The following ARID1B variants were observed in gnomAD, a reference collection of about 807,000 sequenced individuals.
ARID1B encodes AT-rich interaction domain 1B, also known as AT-rich interactive domain-containing protein 1B.
ARID1B carries 30 observed loss-of-function variants against 212.3 expected under a neutral mutation model. The observed-to-expected ratio is 0.14, with a 90% CI of 0.11 to 0.19. ARID1B has a LOEUF of 0.19. Among genes scored for constraint, ARID1B ranks in the 10% least tolerant of loss-of-function variants. The pLI is 1.00. For synonymous variants in ARID1B, 1,402 were observed against 1,301.7 expected, an observed-to-expected ratio of 1.08 and a Z score of -1.66; for missense variants, 2,891 against 3,204.0, an observed-to-expected ratio of 0.90 and a Z score of 2.36.
Position 156,901,492 on chromosome 6 carries a change from G to A in ARID1B, c.2103G>A (p.Pro701=), listed in dbSNP as rs376964478. 4.0e-5 allele frequency: 64 copies of A among 1,613,612 alleles called. No homozygotes were observed. Among genetic ancestry groups the A allele is most frequent in the East Asian group, 1.1e-4 (5 of 44,892 alleles). Reference sequence around the variant, plus strand: ...TCCCACCCCAGGCGCAGTATCTGCCGTCCCAGTCCCAGCAGAGGTACCAGC... The same window carrying A: ...TCCCACCCCAGGCGCAGTATCTGCCATCCCAGTCCCAGCAGAGGTACCAGC... The part of the protein sequence containing the change: ...PHLPPQAQYL[P]SQSQQRYQPQ... Residue 701 remains proline (P), a synonymous_variant, in exon 3 of 20, where the codon CCG becomes CCA. Coordinates refer to ENST00000636930, the MANE Select transcript of ARID1B (RefSeq NM_001374828.1).
intron 2 of ARID1B, among the ~76,000 whole-genome samples, chr6:156,865,356 A>G (rs992174238): frequency 2.0e-5 from 3 of 152,200 alleles, no homozygotes; most frequent in Admixed American, 2.0e-4. Context: ...TGAGAATGGA[A>G]TTCTGGAAAT....
At chr6:156,838,579 G>T (rs1032625568) in intron 2 of ARID1B, among the ~76,000 whole-genome samples, 1 of 152,044 alleles carries the variant, frequency 6.6e-6, no homozygotes. Flanking sequence ...ATGGGAGGAT[G>T]GGGGAGGGAT....
chr6:157,179,126 A>G (rs975291845), intron 11 of ARID1B, among the ~76,000 whole-genome samples: 10 of 152,176 alleles, frequency 6.6e-5, no homozygotes, highest in Middle Eastern at 3.4e-3. Context: ...TCTTATTTCA[A>G]TTTTTCACTT....
At chr6:157,112,895 C>A (rs1259662740) in intron 6 of ARID1B, among the ~76,000 whole-genome samples, 1 of 151,306 alleles carries the variant, frequency 6.6e-6, no homozygotes, top group South Asian at 2.1e-4. Flanking sequence ...AGGTACATAA[C>A]AAGCTGGGTG....
chr6:157,053,637 A>G lies in ARID1B; in HGVS notation c.2248-31025A>G, dbSNP rs561424053. ...TGAATGTAGAAATGATTCCCTCTTT[A>G]AGGACCTTAGTTTGAGTGGGGTTTG... On this transcript the variant is annotated intron_variant, in intron 4 of 19. Coordinates refer to ENST00000636930, the MANE Select transcript of ARID1B (RefSeq NM_001374828.1). Among the ~76,000 whole-genome samples the G allele has an allele frequency of 2.6e-5, 4 of 152,310 alleles. No homozygotes were observed. The South Asian group carries it at 8.3e-4, about 32-fold the overall frequency.
intron 4 of ARID1B, among the ~76,000 whole-genome samples, chr6:157,030,563 G>A (rs948824883): frequency 2.0e-5 from 3 of 152,196 alleles, no homozygotes; most frequent in Admixed American, 6.5e-5. Flanking sequence ...TAAATCCTCT[G>A]TGGAGGTATC....
intron 15 of ARID1B, among the ~76,000 whole-genome samples, chr6:157,192,964 A>C (rs1793487719): frequency 6.6e-6 from 1 of 152,120 alleles, no homozygotes; most frequent in Non-Finnish European, 1.5e-5. Context: ...GGTGGTGTTA[A>C]CCTGTAGTAC....
chr6:156,810,359 C>A (rs1018575920), intron 1 of ARID1B, among the ~76,000 whole-genome samples: 1 of 152,158 alleles, frequency 6.6e-6, no homozygotes, highest in Non-Finnish European at 1.5e-5. Context: ...AAAGATCCAC[C>A]TGCCAGCCTG....
rs530431458 is a variant in ARID1B at position 156,909,416 on chromosome 6, A to G, written c.2136+7891A>G. Among the ~76,000 whole-genome samples, 283 of 152,192 alleles carry G rather than the reference A, an allele frequency of 1.9e-3. 2 individuals are homozygous for G. The highest frequency in any genetic ancestry group is 6.4e-3 in the African/African-American group (265 of 41,550). On this transcript the variant is annotated intron_variant, in intron 3 of 19. Transcript: ENST00000636930. ...TGGAATTACAGGCGTGAGTCACCGC[A>G]TCCGGACAAGGGCGTTTCTTATATA...
intron 5 of ARID1B, among the ~76,000 whole-genome samples, chr6:157,103,926 C>T (rs1445908975): frequency 6.7e-6 from 1 of 149,618 alleles, no homozygotes. Flanking sequence ...ACGTCCACTT[C>T]CCAGGTTCAA....
intron 4 of ARID1B, among the ~76,000 whole-genome samples, chr6:156,973,751 C>G (rs917522494): frequency 2.0e-5 from 3 of 152,248 alleles, no homozygotes; most frequent in African/African-American, 7.2e-5. Flanking sequence ...TGTCCCTGCC[C>G]CCACTTATTT....
intron 6 of ARID1B, 172 bp downstream of exon 6, chr6:157,110,733 A>G: frequency 2.9e-6 from 2 of 687,082 alleles, no homozygotes; most frequent in East Asian, 5.5e-5. Context: ...AGGAGGGAGG[A>G]TGCTTTCTTG....
At chr6:156,890,923 C>G (rs1787875069) in intron 2 of ARID1B, among the ~76,000 whole-genome samples, 1 of 151,810 alleles carries the variant, frequency 6.6e-6, no homozygotes, top group Admixed American at 6.6e-5. Context: ...TTAGACAAAC[C>G]TAAGAACAAG....
intron 4 of ARID1B, among the ~76,000 whole-genome samples, chr6:157,009,937 C>A (rs1338614135): frequency 2.0e-5 from 3 of 152,200 alleles, no homozygotes; most frequent in Non-Finnish European, 4.4e-5. Context: ...ATATAGCCAA[C>A]CTGTGTTCCA....
chr6:157,004,444 A>G, intron 4 of ARID1B, among the ~76,000 whole-genome samples: 1 of 152,208 alleles, frequency 6.6e-6, no homozygotes, highest in African/African-American at 2.4e-5. Flanking sequence ...CTAAGTGATA[A>G]AATACCATAA....
At chr6:156,870,212 AG>A in intron 2 of ARID1B, 1 of 152,278 alleles carries the variant, frequency 6.6e-6, no homozygotes, top group Admixed American at 6.5e-5. Context: ...TTGCTAGTGG[AG>A]GTGGCAACCA....
At chr6:156,900,691 G>C (rs287946) in intron 2 of ARID1B, among the ~76,000 whole-genome samples, 39,442 of 151,994 alleles carry the variant, frequency 0.26, 5,695 homozygotes, top group African/African-American at 0.35. Flanking sequence ...GGATTTTCCT[G>C]TAAACAATGC....
chr6:157,066,397 A>G (rs542786862), intron 4 of ARID1B, among the ~76,000 whole-genome samples: 28 of 152,350 alleles, frequency 1.8e-4, no homozygotes, highest in African/African-American at 6.3e-4. Flanking sequence ...TGAGGACTGT[A>G]TATAATCTCA....
intron 6 of ARID1B, among the ~76,000 whole-genome samples, chr6:157,120,836 A>T (rs1301438134): frequency 1.3e-5 from 2 of 152,208 alleles, no homozygotes; most frequent in African/African-American, 4.8e-5. Flanking sequence ...TGGTATCCTG[A>T]CAATGCTGTA....
Sources: allele counts gnomAD v4.1 joint callset (sites outside exome capture counted in the v4.1 genomes callset), GRCh38; gene constraint gnomAD v4.1.1; transcripts MANE v1.5; gene names NCBI Gene and HGNC (gene_info 2026-07-23, HGNC 2026-07-21).